The following SPAG16 variants were observed in gnomAD, a reference collection of about 807,000 sequenced individuals.
The protein encoded by SPAG16 is sperm associated antigen 16, also known as sperm-associated antigen 16 protein.
SPAG16 carries 86 observed loss-of-function variants against 80.4 expected under a neutral mutation model. The observed-to-expected ratio is 1.07, with a 90% CI of 0.90 to 1.28. SPAG16 has a LOEUF of 1.28. Ranked by LOEUF, SPAG16 falls within the 50% of genes most tolerant of loss-of-function variation. The pLI is 0.00. For synonymous variants in SPAG16, 294 were observed against 265.9 expected (o/e 1.11, Z -1.03); for missense variants, 870 against 765.3 (o/e 1.14, Z -1.61).
intron 10 of SPAG16, among the ~76,000 whole-genome samples, chr2:213,672,928 G>A (rs563122977): frequency 2.2e-5 from 3 of 137,614 alleles, no homozygotes; most frequent in South Asian, 2.3e-4. Flanking sequence ...GCACGATCTT[G>A]GCTCACTGCA....
At chr2:214,401,549 C>T (rs537420995) in intron 15 of SPAG16, among the ~76,000 whole-genome samples, 61 of 151,772 alleles carry the variant, frequency 4.0e-4, no homozygotes, top group Admixed American at 3.2e-3. Context: ...AAACCTATTG[C>T]TCAAAATTTA....
chr2:213,806,730 T>G (rs1487739047), intron 10 of SPAG16, among the ~76,000 whole-genome samples: 2 of 152,162 alleles, frequency 1.3e-5, no homozygotes, highest in African/African-American at 4.8e-5. Flanking sequence ...ATATAGTTAT[T>G]GAGTTAAGGC....
At position 214,273,996 on chromosome 2, in the gene SPAG16, T is replaced by C. The variant is rs542787279; in HGVS notation, c.1720+124730T>C. Among the ~76,000 whole-genome samples, 151 of 152,302 alleles carry C rather than the reference T, an allele frequency of 9.9e-4. 2 individuals carry two copies. Among genetic ancestry groups the C allele is most frequent in the South Asian group, 4.1e-3 (20 of 4,824 alleles). ...TTGAGCAGTAGTTTGCAGTTCTCCT[T>C]GAAGAGGCCCTTCACATCCCTTGTA... On this transcript the variant is annotated intron_variant, in intron 15 of 15. Transcript: ENST00000331683.
chr2:213,950,866 G>T (rs765539986), intron 12 of SPAG16, among the ~76,000 whole-genome samples: 11 of 151,498 alleles, frequency 7.3e-5, no homozygotes, highest in Admixed American at 2.0e-4. Context: ...GTGCCAACAT[G>T]CCCTGCTAAT....
rs567078164 is a variant in SPAG16, at chr2:213,834,315, C to T, written c.1071-28170C>T. Among the ~76,000 whole-genome samples, 3 of 152,244 alleles carry T rather than the reference C, an allele frequency of 2.0e-5. No individual in the cohort carries two copies. The East Asian group carries it at 5.8e-4, about 29-fold the overall frequency. ...TTTTATTTAGCAAAGCTCTACATGACATGGGAGCCTTCAGAAATGAAAATA... is the reference window on the plus strand; with the variant it reads ...TTTTATTTAGCAAAGCTCTACATGATATGGGAGCCTTCAGAAATGAAAATA... On this transcript the variant is annotated intron_variant, in intron 10 of 15. Transcript: ENST00000331683.
intron 13 of SPAG16, among the ~76,000 whole-genome samples, chr2:214,100,394 C>T (rs938491773): frequency 4.6e-5 from 7 of 151,760 alleles, no homozygotes; most frequent in African/African-American, 1.7e-4. Context: ...ATTTGTTTAA[C>T]TTTTAGGTTC....
chr2:213,611,208 C>T (rs2061430426), intron 10 of SPAG16, among the ~76,000 whole-genome samples: 2 of 152,198 alleles, frequency 1.3e-5, no homozygotes, highest in African/African-American at 4.8e-5. Context: ...TGCCATTTCT[C>T]CCATTAATTT....
Position 213,975,885 on chromosome 2 carries a change from G to A in SPAG16, c.1401-38066G>A, listed in dbSNP as rs540180567. ...AAGGTTAGGAATCTGGTGGCAGCTC[G>A]GCTGGGTGGTTCTGGTTAACGGGTT... is the stretch of plus-strand genomic sequence containing the variant. On this transcript the variant is annotated intron_variant, in intron 12 of 15. Transcript: ENST00000331683. Among the ~76,000 whole-genome samples the A allele has an allele frequency of 1.2e-3, 176 of 151,756 alleles. 1 individual carries two copies. Among genetic ancestry groups the A allele is most frequent in the Middle Eastern group, 3.4e-3 (1 of 294 alleles).
At chr2:214,107,501 C>A (rs1268759778) in intron 13 of SPAG16, among the ~76,000 whole-genome samples, 1 of 152,062 alleles carries the variant, frequency 6.6e-6, no homozygotes, top group African/African-American at 2.4e-5. Context: ...AAATGAAAGG[C>A]CCCACATTTA....
intron 1 of SPAG16, among the ~76,000 whole-genome samples, chr2:213,287,063 A>G (rs2062081411): frequency 6.6e-6 from 1 of 152,334 alleles, no homozygotes; most frequent in Admixed American, 6.5e-5. Context: ...TTAGACTTCA[A>G]CAAGGTGAGA....
At chr2:214,050,958 CAG>C (rs758462348) in intron 13 of SPAG16, among the ~76,000 whole-genome samples, 9 of 152,192 alleles carry the variant, frequency 5.9e-5, no homozygotes, top group Admixed American at 1.3e-4. Context: ...TGAGTAGACT[CAG>C]AATGCAGAAG....
chr2:213,805,800 T>G (rs566898623), intron 10 of SPAG16, among the ~76,000 whole-genome samples: 1 of 152,304 alleles, frequency 6.6e-6, no homozygotes, highest in African/African-American at 2.4e-5. Context: ...GCAAATAAAC[T>G]TGCTCAGAGT....
intron 10 of SPAG16, among the ~76,000 whole-genome samples, chr2:213,779,267 T>C (rs1305300357): frequency 6.6e-6 from 1 of 152,250 alleles, no homozygotes; most frequent in Non-Finnish European, 1.5e-5. Context: ...TTAGAATTGA[T>C]AACAGTAGTA....
intron 15 of SPAG16, among the ~76,000 whole-genome samples, chr2:214,330,987 A>G (rs1027728190): frequency 6.6e-6 from 1 of 152,230 alleles, no homozygotes; most frequent in Non-Finnish European, 1.5e-5. Flanking sequence ...TCTTTTAGAC[A>G]GACTGTAGCC....
At chr2:213,807,441 C>G (rs756657554) in intron 10 of SPAG16, among the ~76,000 whole-genome samples, 2 of 152,128 alleles carry the variant, frequency 1.3e-5, no homozygotes, top group Non-Finnish European at 2.9e-5. Context: ...CAGCCCACTT[C>G]TCTCTACTGA....
chr2:214,087,243 G>A (rs1004581441), intron 13 of SPAG16, among the ~76,000 whole-genome samples: 7 of 152,016 alleles, frequency 4.6e-5, no homozygotes, highest in Non-Finnish European at 5.9e-5. Flanking sequence ...CTTTAAGGAC[G>A]CTATATAATA....
intron 15 of SPAG16, among the ~76,000 whole-genome samples, chr2:214,317,501 T>C (rs1457668649): frequency 2.0e-5 from 3 of 152,296 alleles, no homozygotes; most frequent in East Asian, 3.9e-4. Context: ...CCCGAACCCA[T>C]GTTAATAAAT....
At chr2:214,042,007 TACACACACACACAA>T (rs2049054089) in intron 13 of SPAG16, among the ~76,000 whole-genome samples, 1 of 101,216 alleles carries the variant, frequency 9.9e-6, no homozygotes, top group Non-Finnish European at 1.9e-5. Flanking sequence ...TATATATATA[TACACACACACACAA>T]ATATATACAC....
intron 9 of SPAG16, among the ~76,000 whole-genome samples, chr2:213,420,191 G>T (rs977857538): frequency 3.6e-4 from 54 of 152,110 alleles, no homozygotes; most frequent in African/African-American, 1.2e-3. Flanking sequence ...GATGTTTATT[G>T]CTTTCTTGGA....
Sources: gnomAD v4.1 joint callset for allele counts (sites outside exome capture counted in the v4.1 genomes callset) on GRCh38, gnomAD v4.1.1 for gene constraint, MANE v1.5 for transcripts, NCBI Gene and HGNC (gene_info 2026-07-23, HGNC 2026-07-21) for gene names.